Variants in LAMA2 observed in about 807,000 individuals in gnomAD.
LAMA2 encodes the protein laminin subunit alpha 2, also known as laminin subunit alpha-2.
LAMA2 carries 269 observed loss-of-function variants against 364.8 expected under a neutral mutation model. That is an observed-to-expected ratio of 0.74 (90% CI 0.67 to 0.82). LAMA2 has a LOEUF of 0.82. LAMA2 is among the 40% of genes least tolerant of loss of function. The pLI is 0.00. For synonymous variants in LAMA2, 1,379 were observed against 1,370.6 expected (o/e 1.01, Z -0.14); for missense variants, 3,807 against 3,873.2 (o/e 0.98, Z 0.45).
intron 58 of LAMA2, among the ~76,000 whole-genome samples, chr6:129,494,968 A>T (rs1785081458): frequency 6.6e-6 from 1 of 152,196 alleles, no homozygotes; most frequent in Non-Finnish European, 1.5e-5. Context: ...TTTCTAGGAG[A>T]AAACAGCCTA....
At chr6:129,370,934 C>T (rs916053471) in intron 34 of LAMA2, among the ~76,000 whole-genome samples, 3 of 152,152 alleles carry the variant, frequency 2.0e-5, no homozygotes, top group Non-Finnish European at 4.4e-5. Context: ...TGCTAAACAA[C>T]GGCCCTGATG....
At chr6:129,181,952 C>T (rs951003397) in intron 10 of LAMA2, among the ~76,000 whole-genome samples, 2 of 151,648 alleles carry the variant, frequency 1.3e-5, no homozygotes, top group African/African-American at 4.8e-5. Flanking sequence ...GTGTTTACCA[C>T]TCACAGTCCA....
intron 3 of LAMA2, among the ~76,000 whole-genome samples, chr6:129,069,927 T>A (rs924642990): frequency 3.3e-5 from 5 of 151,564 alleles, no homozygotes; most frequent in Non-Finnish European, 5.9e-5. Context: ...AGAAATTGAC[T>A]ACATATTTGA....
At chr6:129,041,693 T>C (rs1288203232) in intron 1 of LAMA2, among the ~76,000 whole-genome samples, 7 of 152,168 alleles carry the variant, frequency 4.6e-5, no homozygotes, top group South Asian at 2.1e-4. Flanking sequence ...GTGAACACTA[T>C]GTACTCGAAA....
intron 40 of LAMA2, among the ~76,000 whole-genome samples, chr6:129,408,053 T>C (rs1156422836): frequency 2.0e-5 from 3 of 152,194 alleles, no homozygotes; most frequent in African/African-American, 7.2e-5. Context: ...GGTGACAGCA[T>C]TCTTCCCTCT....
At position 129,392,713 on chromosome 6, in the gene LAMA2, A is replaced by G. The variant is rs200529103; in HGVS notation, c.5235-332A>G. On this transcript the variant is annotated intron_variant, in intron 36 of 64. Coordinates refer to ENST00000421865, the MANE Select transcript of LAMA2 (RefSeq NM_000426.4). ...AGAGAAAAGGTCTCAGTACAATGAA[A>G]CAAGTGGATTGTTTGATTTTGGTAT... Among the ~76,000 whole-genome samples the G allele has an allele frequency of 3.2e-3, 485 of 152,322 alleles. 2 individuals carry two copies. Among genetic ancestry groups the G allele is most frequent in the South Asian group, 0.019 (92 of 4,822 alleles).
intron 1 of LAMA2, among the ~76,000 whole-genome samples, chr6:129,034,919 A>G (rs1230458306): frequency 6.6e-6 from 1 of 152,194 alleles, no homozygotes; most frequent in Non-Finnish European, 1.5e-5. Flanking sequence ...TGACTTTGCT[A>G]TTGTGAATAG....
chr6:128,961,320 T>TAG (rs1781480438), intron 1 of LAMA2, among the ~76,000 whole-genome samples: 8 of 17,686 alleles, frequency 4.5e-4, no homozygotes, highest in Admixed American at 2.8e-3. Flanking sequence ...ACTAATATGA[T>TAG]ATATATATAT....
rs867322882 is a variant in LAMA2 at position 128,922,981 on chromosome 6, C to A, written c.112+39624C>A. 6.1e-4 allele frequency among the ~76,000 whole-genome samples: 92 copies of A among 151,654 alleles called. 1 individual carries two copies. The Middle Eastern group carries it at 0.02, about 34-fold the overall frequency. ...TAAATAGGGAATCCTTTCCGCATTG[C>A]TTGTTTTTCTCAGGTTTGTCAAAGA... On this transcript the variant is annotated intron_variant, in intron 1 of 64. Coordinates refer to ENST00000421865, the MANE Select transcript of LAMA2 (RefSeq NM_000426.4).
At chr6:129,086,625 C>T (rs1274856551) in intron 3 of LAMA2, among the ~76,000 whole-genome samples, 1 of 152,140 alleles carries the variant, frequency 6.6e-6, no homozygotes, top group Non-Finnish European at 1.5e-5. Context: ...CAAAAGTAGG[C>T]AAAACTGGAT....
intron 49 of LAMA2, among the ~76,000 whole-genome samples, chr6:129,462,354 A>G (rs1451013736): frequency 6.6e-6 from 1 of 151,856 alleles, no homozygotes; most frequent in Non-Finnish European, 1.5e-5. Flanking sequence ...GCCTGTACAC[A>G]GTGTGCATTC....
chr6:128,958,019 G>T (rs1204377626), intron 1 of LAMA2, among the ~76,000 whole-genome samples: 1 of 151,646 alleles, frequency 6.6e-6, no homozygotes, highest in Admixed American at 6.6e-5. Context: ...GCCCTTCCCT[G>T]TTCCCTGTTT....
chr6:128,971,087 A>C (rs1562882364), intron 1 of LAMA2, among the ~76,000 whole-genome samples: 1 of 152,348 alleles, frequency 6.6e-6, no homozygotes, highest in East Asian at 1.9e-4. Context: ...TTGACCATCA[A>C]GAAGAGTCCA....
intron 63 of LAMA2, among the ~76,000 whole-genome samples, chr6:129,512,800 T>C (rs1786708352): frequency 6.6e-6 from 1 of 152,166 alleles, no homozygotes; most frequent in African/African-American, 2.4e-5. Flanking sequence ...CTTATTCTCC[T>C]CTTAAGGAAC....
chr6:129,511,540 A>G (rs1189659560), intron 62 of LAMA2, among the ~76,000 whole-genome samples: 1 of 152,142 alleles, frequency 6.6e-6, no homozygotes, highest in South Asian at 2.1e-4. Context: ...AACAGCTACC[A>G]TCCTTCATTG....
chr6:129,005,863 G>A (rs1163227524), intron 1 of LAMA2, among the ~76,000 whole-genome samples: 4 of 150,394 alleles, frequency 2.7e-5, no homozygotes, highest in Admixed American at 6.6e-5. Context: ...ATATATAAAC[G>A]CTTGGCCATT....
chr6:129,317,903 T>C (rs1774713363), intron 27 of LAMA2, among the ~76,000 whole-genome samples: 1 of 152,126 alleles, frequency 6.6e-6, no homozygotes, highest in South Asian at 2.1e-4. Context: ...CTTTGTCTTT[T>C]TTTTTTTTCC....
intron 14 of LAMA2, among the ~76,000 whole-genome samples, chr6:129,254,880 G>A (rs1453382387): frequency 6.6e-6 from 1 of 152,108 alleles, no homozygotes; most frequent in Non-Finnish European, 1.5e-5. Context: ...ATAGAACTCT[G>A]CACAAAGTGT....
chr6:129,012,034 C>T (rs1784798556), intron 1 of LAMA2, among the ~76,000 whole-genome samples: 1 of 152,170 alleles, frequency 6.6e-6, no homozygotes, highest in South Asian at 2.1e-4. Context: ...TGTGTTCCTT[C>T]TACTCAGGAC....
Sources: allele counts gnomAD v4.1 joint callset (sites outside exome capture counted in the v4.1 genomes callset), GRCh38; gene constraint gnomAD v4.1.1; transcripts MANE v1.5; gene names NCBI Gene and HGNC (gene_info 2026-07-23, HGNC 2026-07-21).